Variants in PSD3 observed in about 807,000 individuals in gnomAD.
PSD3 encodes pleckstrin and Sec7 domain containing 3, also known as PH and SEC7 domain-containing protein 3.
In PSD3, 49 loss-of-function variants were observed where a neutral mutation model predicts 105.5. The ratio of observed to expected loss-of-function variants is 0.46; its 90% CI spans 0.37 to 0.59. The LOEUF (loss-of-function observed/expected upper bound fraction) is 0.59, where lower values mean the gene tolerates loss of function less well. Among genes scored for constraint, PSD3 ranks in the 20% least tolerant of loss-of-function variants. The pLI is 0.00. For missense variants in PSD3, 1,561 were observed against 1,263.8 expected (o/e 1.24, Z -3.57); for synonymous variants, 557 against 457.8 (o/e 1.22, Z -2.77).
intron 9 of PSD3, among the ~76,000 whole-genome samples, chr8:18,660,665 T>C (rs190664682): frequency 8.9e-4 from 136 of 152,312 alleles, no homozygotes; most frequent in Admixed American, 1.4e-3. Flanking sequence ...ATCTACCACA[T>C]CAGCTCCTTG....
At chr8:18,931,520 T>C (rs1215132496) in intron 2 of PSD3, among the ~76,000 whole-genome samples, 1 of 152,176 alleles carries the variant, frequency 6.6e-6, no homozygotes, top group Non-Finnish European at 1.5e-5. Flanking sequence ...AAAATTAACA[T>C]TTTAACAAAA....
chr8:18,535,467 A>G lies in PSD3; in HGVS notation c.*276T>C. 1 of 423,334 alleles carries G rather than the reference A, an allele frequency of 2.4e-6. No homozygotes were observed. The highest frequency in any genetic ancestry group is 4.3e-6 in the Non-Finnish European group (1 of 234,660). 26.2% of individuals were successfully genotyped at this position (423,334 alleles called of 1,614,324 possible). A position where few individuals can be genotyped will look rare whatever the true frequency, so the allele number is the denominator to read the frequency against. Reference sequence around the variant, plus strand: ...CAGACTGCAAACAAGAGAAAACCAAAAGAGAAGGGATACATAATTCATTCT... The same window carrying G: ...CAGACTGCAAACAAGAGAAAACCAAGAGAGAAGGGATACATAATTCATTCT... On this transcript the variant is annotated 3_prime_UTR_variant, in exon 16 of 16. Transcript: ENST00000327040.
In PSD3 at chr8:18,928,533, A is replaced by G. The variant is rs537478558; in HGVS notation, c.130+7501T>C. Among the ~76,000 whole-genome samples the G allele has an allele frequency of 2.6e-5, 4 of 152,350 alleles. No individual in the cohort carries two copies. The East Asian group carries it at 7.7e-4, about 29-fold the overall frequency. ...CGACTATTATTCCACACAAAAAAGT[A>G]GTGGTAAATTTTACAGCAAAACTAG... On this transcript the variant is annotated intron_variant, in intron 2 of 15. Coordinates refer to ENST00000327040, the MANE Select transcript of PSD3 (RefSeq NM_015310.4).
intron 1 of PSD3, among the ~76,000 whole-genome samples, chr8:18,950,880 A>G (rs1047345999): frequency 6.6e-6 from 1 of 152,136 alleles, no homozygotes; most frequent in African/African-American, 2.4e-5. Flanking sequence ...CATGCACTTG[A>G]GAAAGCCAAC....
Position 18,815,361 on chromosome 8 carries a change from T to G in PSD3, c.1635-10463A>C, listed in dbSNP as rs549212260. 1.4e-4 allele frequency among the ~76,000 whole-genome samples: 22 copies of G among 151,776 alleles called. No homozygotes were observed. The South Asian group carries it at 4.6e-3, about 32-fold the overall frequency. On this transcript the variant is annotated intron_variant, in intron 4 of 15. Coordinates refer to ENST00000327040, the MANE Select transcript of PSD3 (RefSeq NM_015310.4). ...TCTCGCTCTGTTGCCCAGGCTGGAG[T>G]GTAGTGGCATGATTTCGGCTCACTG...
At chr8:18,600,851 C>T (rs62498645) in intron 11 of PSD3, among the ~76,000 whole-genome samples, 3,062 of 152,294 alleles carry the variant, frequency 0.02, 40 homozygotes, top group South Asian at 0.046. Flanking sequence ...TTTATAGCTT[C>T]TTCAGAGACT....
intron 4 of PSD3, among the ~76,000 whole-genome samples, chr8:18,857,940 T>C (rs530198694): frequency 2.0e-5 from 3 of 152,130 alleles, no homozygotes; most frequent in Admixed American, 1.3e-4. Flanking sequence ...ATATGAGGTA[T>C]GGGGATTACA....
At chr8:19,060,694 ATGC>A (rs1377173948) in intron 1 of PSD3, among the ~76,000 whole-genome samples, 1 of 152,244 alleles carries the variant, frequency 6.6e-6, no homozygotes, top group Admixed American at 6.5e-5. Flanking sequence ...ATATGCCTCC[ATGC>A]CAAAGTCTAA....
At chr8:18,543,377 G>A (rs1800257651) in intron 15 of PSD3, among the ~76,000 whole-genome samples, 1 of 152,130 alleles carries the variant, frequency 6.6e-6, no homozygotes, top group South Asian at 2.1e-4. Context: ...CACTTTGGGA[G>A]GCCGAGGCAG....
intron 15 of PSD3, among the ~76,000 whole-genome samples, chr8:18,555,494 T>C (rs1041796854): frequency 1.3e-5 from 2 of 152,200 alleles, no homozygotes; most frequent in African/African-American, 2.4e-5. Flanking sequence ...TTGTATTGCA[T>C]GCTACCTACT....
chr8:18,826,800 TC>T (rs1190063809), intron 4 of PSD3, among the ~76,000 whole-genome samples: 1 of 152,194 alleles, frequency 6.6e-6, no homozygotes, highest in African/African-American at 2.4e-5. Context: ...GATGAATATT[TC>T]TAAAGCCAGA....
At chr8:18,917,439 C>A (rs1820698039) in intron 2 of PSD3, among the ~76,000 whole-genome samples, 1 of 152,128 alleles carries the variant, frequency 6.6e-6, no homozygotes, top group Non-Finnish European at 1.5e-5. Context: ...TCTTCCGTGG[C>A]AATTTCTCCA....
At chr8:18,742,770 G>C (rs1300554939) in intron 9 of PSD3, among the ~76,000 whole-genome samples, 1 of 152,176 alleles carries the variant, frequency 6.6e-6, no homozygotes, top group Admixed American at 6.5e-5. Flanking sequence ...AAATGCTACA[G>C]TTTAGAAGCC....
At chr8:18,847,464 T>G (rs74688455) in intron 4 of PSD3, among the ~76,000 whole-genome samples, 1,613 of 152,314 alleles carry the variant, frequency 0.011, 31 homozygotes, top group African/African-American at 0.037. Context: ...ATGCACACTG[T>G]TGCTACTTTT....
intron 1 of PSD3, among the ~76,000 whole-genome samples, chr8:19,012,424 C>A (rs1245059630): frequency 1.3e-5 from 2 of 152,196 alleles, no homozygotes; most frequent in African/African-American, 4.8e-5. Context: ...AGGATCATTT[C>A]TTGGAAAAGG....
intron 12 of PSD3, among the ~76,000 whole-genome samples, chr8:18,598,827 C>A (rs1331920722): frequency 6.6e-6 from 1 of 151,976 alleles, no homozygotes; most frequent in Non-Finnish European, 1.5e-5. Context: ...TAAGAATAAA[C>A]ATGATCAAGA....
chr8:18,752,516 TGTA>T (rs1462374581), intron 9 of PSD3, among the ~76,000 whole-genome samples: 34 of 83,224 alleles, frequency 4.1e-4, no homozygotes, highest in Middle Eastern at 5.4e-3. Flanking sequence ...ATATAATATA[TGTA>T]ATATATATAA....
chr8:18,707,612 C>T (rs1801981116), intron 9 of PSD3, among the ~76,000 whole-genome samples: 1 of 152,146 alleles, frequency 6.6e-6, no homozygotes. Flanking sequence ...CCAGATGAGA[C>T]AGCAAAGCTC....
chr8:18,555,768 C>T (rs774634831), intron 15 of PSD3, among the ~76,000 whole-genome samples: 13 of 152,140 alleles, frequency 8.5e-5, no homozygotes, highest in Non-Finnish European at 1.6e-4. Context: ...AGAAGAAAAA[C>T]GCATAGTGTT....
Sources: gnomAD v4.1 joint callset for allele counts (sites outside exome capture counted in the v4.1 genomes callset) on GRCh38, gnomAD v4.1.1 for gene constraint, MANE v1.5 for transcripts, NCBI Gene and HGNC (gene_info 2026-07-23, HGNC 2026-07-21) for gene names.